NEK10: variants seen among roughly 807,000 people sequenced by gnomAD.
NEK10 encodes serine/threonine-protein kinase Nek10.
In NEK10, 122 loss-of-function variants were observed where a neutral mutation model predicts 159.8. The observed-to-expected ratio is 0.76, with a 90% CI of 0.66 to 0.89. The LOEUF (loss-of-function observed/expected upper bound fraction) is 0.89, where lower values mean the gene tolerates loss of function less well. NEK10 is among the 40% of genes least tolerant of loss of function. The pLI, the probability that NEK10 is intolerant of heterozygous loss-of-function variation, is 0.00. For synonymous variants in NEK10, 466 were observed against 457.1 expected (o/e 1.02, Z -0.25); for missense variants, 1,342 against 1,323.1 (o/e 1.01, Z -0.22).
chr3:27,215,280 A>G (rs2149118714), intron 23 of NEK10, among the ~76,000 whole-genome samples: 1 of 152,330 alleles, frequency 6.6e-6, no homozygotes, highest in Middle Eastern at 3.4e-3. Flanking sequence ...TCCATTTAGG[A>G]ATGAACTACT....
chr3:27,281,693 T>C (rs1462151528), intron 22 of NEK10, among the ~76,000 whole-genome samples: 1 of 151,956 alleles, frequency 6.6e-6, no homozygotes, highest in Non-Finnish European at 1.5e-5. Context: ...GCAGGGAAGT[T>C]TACAAAGAAA....
intron 3 of NEK10, among the ~76,000 whole-genome samples, chr3:27,349,835 A>G (rs1382693169): frequency 6.6e-6 from 1 of 152,174 alleles, no homozygotes; most frequent in African/African-American, 2.4e-5. Context: ...TGATTATTCT[A>G]AGCCTGCTCA....
At position 27,301,773 on chromosome 3, in the gene NEK10, C is replaced by T. The variant is rs921698472; in HGVS notation, c.1091G>A (p.Gly364Asp). The change falls in exon 13 of 36, where the codon GGC becomes GAC. Residue 364 changes from glycine (G) to aspartate (D), a missense_variant. By Grantham distance (94) the Gly-to-Asp change is moderately conservative. Transcript: ENST00000691995. ...TGATAAATGAAGCTGCTGGATTCGG[C>T]CTGCAGCATTTGCACTGGACAGGCT... The part of the protein sequence containing the change: ...IGSLSSANAA[G>D]RIQQLHLSED... 1.1e-5 allele frequency: 17 copies of T among 1,563,136 alleles called. No individual in the cohort carries two copies. Among genetic ancestry groups the T allele is most frequent in the Non-Finnish European group, 1.5e-5 (17 of 1,152,508 alleles).
intron 35 of NEK10, among the ~76,000 whole-genome samples, chr3:27,115,550 GC>G (rs1399346182): frequency 2.0e-5 from 3 of 152,110 alleles, no homozygotes; most frequent in Non-Finnish European, 4.4e-5. Context: ...TTTGTCCCTA[GC>G]CTTCTGTGCA....
chr3:27,356,539 A>G (rs904570205), intron 1 of NEK10, among the ~76,000 whole-genome samples: 1 of 152,136 alleles, frequency 6.6e-6, no homozygotes, highest in African/African-American at 2.4e-5. Flanking sequence ...TAAATACCCC[A>G]GTCTGTAGTA....
Position 27,260,510 on chromosome 3 carries a change from G to T in NEK10, c.2015-4139C>A, listed in dbSNP as rs2040310934. The stretch of plus-strand genomic sequence containing the variant: ...TTTTTGTTTTTGGTTCTGTTTATAT[G>T]CAGGATTACGTTTATTGATTTGCGT... On this transcript the variant is annotated intron_variant, in intron 22 of 35. Transcript: ENST00000691995. 2.0e-5 allele frequency among the ~76,000 whole-genome samples: 3 copies of T among 151,888 alleles called. No individual in the cohort carries two copies. In the South Asian group the frequency reaches 6.3e-4, roughly 32 times the overall value.
At chr3:27,227,672 G>A (rs1163088092) in intron 23 of NEK10, among the ~76,000 whole-genome samples, 2 of 152,064 alleles carry the variant, frequency 1.3e-5, no homozygotes, top group African/African-American at 2.4e-5. Context: ...GCAATTCAAC[G>A]GCATAAAACT....
chr3:27,274,472 G>A (rs1336398748), intron 22 of NEK10, among the ~76,000 whole-genome samples: 1 of 152,088 alleles, frequency 6.6e-6, no homozygotes, highest in Non-Finnish European at 1.5e-5. Flanking sequence ...AAACCACAGA[G>A]GGCTCTTCTA....
intron 1 of NEK10, among the ~76,000 whole-genome samples, chr3:27,356,501 T>C (rs2048338155): frequency 6.6e-6 from 1 of 152,102 alleles, no homozygotes; most frequent in Admixed American, 6.6e-5. Context: ...CGGCACAAGA[T>C]CCTGTCTCTT....
intron 32 of NEK10, among the ~76,000 whole-genome samples, chr3:27,128,938 T>C (rs995013630): frequency 6.6e-6 from 1 of 152,202 alleles, no homozygotes; most frequent in African/African-American, 2.4e-5. Context: ...GTTTCTCGAC[T>C]ATTTCAATGA....
intron 5 of NEK10, among the ~76,000 whole-genome samples, chr3:27,337,522 AC>A (rs2046897690): frequency 6.6e-6 from 1 of 152,170 alleles, no homozygotes. Context: ...ACAAAGCAGG[AC>A]CCATCACACT....
chr3:27,168,739 C>A (rs1946693823), intron 29 of NEK10, among the ~76,000 whole-genome samples: 2 of 152,298 alleles, frequency 1.3e-5, no homozygotes, highest in South Asian at 4.1e-4. Flanking sequence ...TTTCATGGCA[C>A]AATTTTACAA....
intron 33 of NEK10, among the ~76,000 whole-genome samples, chr3:27,118,322 T>C (rs1270382071): frequency 1.3e-5 from 2 of 152,174 alleles, no homozygotes; most frequent in Non-Finnish European, 2.9e-5. Flanking sequence ...TGATCAGAAT[T>C]TGGTATACCA....
chr3:27,188,267 C>T (rs1259613808), intron 26 of NEK10, among the ~76,000 whole-genome samples: 1 of 152,104 alleles, frequency 6.6e-6, no homozygotes, highest in Non-Finnish European at 1.5e-5. Flanking sequence ...CCAAAATGTT[C>T]GGAATCATTA....
chr3:27,286,110 G>T (rs1471678856), intron 20 of NEK10, among the ~76,000 whole-genome samples: 2 of 93,276 alleles, frequency 2.1e-5, no homozygotes, highest in South Asian at 7.1e-4. Flanking sequence ...TTTTGAGATG[G>T]AGTCTCACTC....
chr3:27,215,744 T>C, intron 23 of NEK10: 1 of 711,760 alleles, frequency 1.4e-6, no homozygotes, highest in South Asian at 1.5e-5. Context: ...TTCTGCAGGC[T>C]GTACAGGAAC....
chr3:27,245,064 A>G (rs1954923531), intron 23 of NEK10, among the ~76,000 whole-genome samples: 2 of 152,146 alleles, frequency 1.3e-5, no homozygotes, highest in Non-Finnish European at 2.9e-5. Flanking sequence ...CTCTTTCATC[A>G]TAATTGTTCT....
At chr3:27,165,106 C>A (rs529398538) in intron 29 of NEK10, among the ~76,000 whole-genome samples, 2 of 152,230 alleles carry the variant, frequency 1.3e-5, no homozygotes, top group South Asian at 4.2e-4. Context: ...TTATTAAATG[C>A]CCACGATGTG....
chr3:27,307,052 G>C (rs1389278840), intron 11 of NEK10, among the ~76,000 whole-genome samples: 2 of 152,130 alleles, frequency 1.3e-5, no homozygotes, highest in South Asian at 4.1e-4. Context: ...TACCGTATCA[G>C]TTATAGCACT....
Sources: gnomAD v4.1 joint callset for allele counts (sites outside exome capture counted in the v4.1 genomes callset) on GRCh38, gnomAD v4.1.1 for gene constraint, MANE v1.5 for transcripts, NCBI Gene and HGNC (gene_info 2026-07-23, HGNC 2026-07-21) for gene names.